The following FGL1 variants were observed in gnomAD, a reference collection of about 807,000 sequenced individuals.
The protein encoded by FGL1 is fibrinogen like 1.
In FGL1, 59 loss-of-function variants were observed where a neutral mutation model predicts 43.7. That is an observed-to-expected ratio of 1.35 (90% CI 1.10 to 1.68). The LOEUF is 1.68. Among genes scored for constraint, FGL1 ranks in the 40% most tolerant of loss-of-function variants. FGL1 has a pLI of 0.00. For synonymous variants in FGL1, 192 were observed against 126.5 expected (o/e 1.52, Z -3.48); for missense variants, 596 against 373.0 (o/e 1.60, Z -4.92).
Position 17,894,092 on chromosome 8 carries a change from A to G in FGL1, c.-18+1355T>C, listed in dbSNP as rs1022772994. Reference sequence around the variant, plus strand: ...TAATTACGCTGCATTAAATTTAAAGATGAAGACATTAAATTTGTAAATGAA... The same window carrying G: ...TAATTACGCTGCATTAAATTTAAAGGTGAAGACATTAAATTTGTAAATGAA... On this transcript the variant is annotated intron_variant, in intron 1 of 7. Transcript: ENST00000427924. Among the ~76,000 whole-genome samples, 5 of 147,170 alleles carry G rather than the reference A, an allele frequency of 3.4e-5. 1 individual carries two copies. The highest frequency in any genetic ancestry group is 1.3e-4 in the African/African-American group (5 of 37,570).
intron 1 of FGL1, among the ~76,000 whole-genome samples, chr8:17,887,087 G>C (rs1361382924): frequency 2.0e-5 from 3 of 152,114 alleles, no homozygotes; most frequent in Non-Finnish European, 4.4e-5. Flanking sequence ...AGTGCTGGAG[G>C]GGAGGAGAGA....
intron 5 of FGL1, among the ~76,000 whole-genome samples, chr8:17,870,057 C>T (rs1231118293): frequency 6.6e-6 from 1 of 152,042 alleles, no homozygotes; most frequent in Non-Finnish European, 1.5e-5. Context: ...TTGCAGTGAG[C>T]CGAGATTGCT....
chr8:17,877,171 C>G (rs1015733987), intron 3 of FGL1, among the ~76,000 whole-genome samples: 2 of 151,682 alleles, frequency 1.3e-5, no homozygotes, highest in Admixed American at 6.6e-5. Flanking sequence ...CTGACCCACT[C>G]AACTCCCTGG....
rs752732031 is a variant in FGL1 at position 17,874,060 on chromosome 8, T to A, written c.461A>T (p.Tyr154Phe). 6.2e-7 allele frequency: 1 copy of A among 1,612,230 alleles called. No homozygotes were observed. Among genetic ancestry groups the A allele is most frequent in the South Asian group, 1.1e-5 (1 of 90,570 alleles). The part of the protein sequence containing the change: ...FGNFVQKHGE[Y>F]WLGNKNLHFL... ...GTGAAGATTTTTATTGCCCAGCCAA[T>A]ATTCACCATGTTTTTGGACAAAATT... Residue 154 changes from tyrosine (Y) to phenylalanine (F), a missense_variant, in exon 5 of 8, where the codon TAT becomes TTT. Physicochemically the swap from Tyr to Phe is conservative, Grantham distance 22. Transcript: ENST00000427924.
At chr8:17,877,145 T>C (rs2053468333) in intron 3 of FGL1, among the ~76,000 whole-genome samples, 1 of 152,092 alleles carries the variant, frequency 6.6e-6, no homozygotes, top group Non-Finnish European at 1.5e-5. Context: ...TTTAAAACGA[T>C]GATTTTCAAA....
intron 4 of FGL1, 59 bp from the exon 5 acceptor site, chr8:17,874,175 C>G: frequency 7.1e-7 from 1 of 1,415,680 alleles, no homozygotes; most frequent in Non-Finnish European, 9.9e-7. Context: ...ACCAAAGCGA[C>G]CACCACCCAC....
chr8:17,872,002 G>C (rs1293467003), intron 5 of FGL1, among the ~76,000 whole-genome samples: 1 of 152,150 alleles, frequency 6.6e-6, no homozygotes, highest in East Asian at 1.9e-4. Flanking sequence ...AAATATCAAT[G>C]TGCAAATGAA....
At chr8:17,881,132 A>T (rs1160528440) in intron 3 of FGL1, among the ~76,000 whole-genome samples, 2 of 113,586 alleles carry the variant, frequency 1.8e-5, no homozygotes, top group Non-Finnish European at 3.6e-5. Flanking sequence ...TGCCATGTGT[A>T]CACGGATTTT....
chr8:17,874,488 A>G lies in FGL1; in HGVS notation c.278T>C (p.Leu93Pro). The G allele has an allele frequency of 6.2e-7, 1 of 1,611,418 alleles. No individual in the cohort carries two copies. Among genetic ancestry groups the G allele is most frequent in the South Asian group, 1.1e-5 (1 of 90,508 alleles). Reference sequence around the variant, plus strand: ...AGGTTTGATTTTGTAAAATCCACTGAGCTTATACCCATCATTGAAAATCTC... The same window carrying G: ...AGGTTTGATTTTGTAAAATCCACTGGGCTTATACCCATCATTGAAAATCTC... ...CSEIFNDGYK[L>P]SGFYKIKPLQ... Residue 93 changes from leucine (L) to proline (P), a missense_variant, in exon 4 of 8, where the codon CTC becomes CCC. Coordinates refer to ENST00000427924, the MANE Select transcript of FGL1 (RefSeq NM_004467.4).
chr8:17,883,371 T>C (rs1370865659), intron 2 of FGL1, among the ~76,000 whole-genome samples: 2 of 40,622 alleles, frequency 4.9e-5, no homozygotes, highest in Non-Finnish European at 9.7e-5. Context: ...ATATAATATA[T>C]AAAATAATAT....
intron 7 of FGL1, among the ~76,000 whole-genome samples, chr8:17,867,713 G>T (rs1337471279): frequency 1.3e-5 from 2 of 152,134 alleles, no homozygotes; most frequent in African/African-American, 4.8e-5. Context: ...CTAGACAGAG[G>T]GGTGACCCAC....
At chr8:17,883,057 C>A (rs1290320263) in intron 2 of FGL1, among the ~76,000 whole-genome samples, 4 of 82,074 alleles carry the variant, frequency 4.9e-5, no homozygotes, top group South Asian at 4.2e-4. Context: ...TAATATATAT[C>A]ATATGTAATA....
intron 1 of FGL1, among the ~76,000 whole-genome samples, chr8:17,890,870 G>A (rs1450934069): frequency 6.6e-6 from 1 of 151,978 alleles, no homozygotes; most frequent in African/African-American, 2.4e-5. Flanking sequence ...CAGCATGGGG[G>A]TAGCTGCCCC....
intron 7 of FGL1, among the ~76,000 whole-genome samples, chr8:17,866,238 G>C (rs1355962712): frequency 1.3e-5 from 2 of 152,170 alleles, no homozygotes; most frequent in Non-Finnish European, 2.9e-5. Flanking sequence ...TTTGAAACTA[G>C]GTTAGGGGAT....
intron 1 of FGL1, among the ~76,000 whole-genome samples, chr8:17,894,965 A>C (rs938515363): frequency 2.0e-5 from 3 of 149,920 alleles, no homozygotes; most frequent in Non-Finnish European, 4.4e-5. Flanking sequence ...TTTAGTAAAA[A>C]ATAAAGGGCT....
At chr8:17,867,011 C>T (rs2053278909) in intron 7 of FGL1, among the ~76,000 whole-genome samples, 1 of 152,188 alleles carries the variant, frequency 6.6e-6, no homozygotes, top group East Asian at 1.9e-4. Flanking sequence ...TTCTCTCCTT[C>T]ACACTGCTGG....
intron 3 of FGL1, among the ~76,000 whole-genome samples, chr8:17,880,149 C>A (rs1416814708): frequency 6.6e-6 from 1 of 152,176 alleles, no homozygotes; most frequent in Non-Finnish European, 1.5e-5. Context: ...TATAGCCATC[C>A]CCACTACTGC....
chr8:17,887,054 G>A (rs2053638949), intron 1 of FGL1, among the ~76,000 whole-genome samples: 1 of 152,158 alleles, frequency 6.6e-6, no homozygotes, highest in Non-Finnish European at 1.5e-5. Flanking sequence ...GCCCAGAGAT[G>A]CTCCAGGTGA....
At chr8:17,873,943 T>C (rs1432353030) in intron 5 of FGL1, 76 bp downstream of exon 5, 4 of 1,007,032 alleles carry the variant, frequency 4.0e-6, no homozygotes, top group East Asian at 5.7e-5. Flanking sequence ...TTCCATTGCC[T>C]ATAATTTGGT....
Sources: allele counts gnomAD v4.1 joint callset (sites outside exome capture counted in the v4.1 genomes callset), GRCh38; gene constraint gnomAD v4.1.1; transcripts MANE v1.5; gene names NCBI Gene and HGNC (gene_info 2026-07-23, HGNC 2026-07-21).